EIF2AK2: variants seen among roughly 807,000 people sequenced by gnomAD.
EIF2AK2 encodes the protein eukaryotic translation initiation factor 2 alpha kinase 2, also known as interferon-induced, double-stranded RNA-activated protein kinase.
In EIF2AK2, 40 loss-of-function variants were observed where a neutral mutation model predicts 70.5. The observed-to-expected ratio is 0.57, with a 90% CI of 0.44 to 0.74. EIF2AK2 has a LOEUF of 0.74. Ranked by LOEUF, EIF2AK2 falls within the 30% of genes least tolerant of loss-of-function variation. The pLI, the probability that EIF2AK2 is intolerant of heterozygous loss-of-function variation, is 0.00. For synonymous variants in EIF2AK2, 198 were observed against 220.9 expected, an observed-to-expected ratio of 0.90 and a Z score of 0.92; for missense variants, 555 against 644.3, an observed-to-expected ratio of 0.86 and a Z score of 1.50.
At chr2:37,152,444 C>A (rs1465285933) in intron 1 of EIF2AK2, among the ~76,000 whole-genome samples, 2 of 152,226 alleles carry the variant, frequency 1.3e-5, no homozygotes, top group East Asian at 3.9e-4. Context: ...TGCCCACCAC[C>A]ACGCCCAGCT....
At chr2:37,122,046 G>C (rs991302903) in intron 12 of EIF2AK2, among the ~76,000 whole-genome samples, 4 of 152,164 alleles carry the variant, frequency 2.6e-5, no homozygotes, top group Non-Finnish European at 5.9e-5. Flanking sequence ...CCCAGCATAA[G>C]TGGTATAGTT....
intron 1 of EIF2AK2, among the ~76,000 whole-genome samples, chr2:37,152,668 TC>T (rs1312300811): frequency 6.6e-6 from 1 of 152,192 alleles, no homozygotes; most frequent in Admixed American, 6.5e-5. Context: ...CTATACTTTC[TC>T]CTTAAGGTGA....
chr2:37,137,125 A>G (rs1675155796), intron 8 of EIF2AK2, 108 bp from the exon 9 acceptor site: 1 of 867,842 alleles, frequency 1.2e-6, no homozygotes, highest in Non-Finnish European at 1.7e-6. Context: ...CCAATTTCTT[A>G]GTCCATCAAT....
At chr2:37,120,349 CA>C (rs1333690420) in intron 12 of EIF2AK2, among the ~76,000 whole-genome samples, 1 of 150,932 alleles carries the variant, frequency 6.6e-6, no homozygotes. Flanking sequence ...ACTAAAAATA[CA>C]AAAAATTAGC....
Position 37,102,884 on chromosome 2 carries a change from TTATG to T in EIF2AK2, c.*4385_*4388del, listed in dbSNP as rs1361444292. 1 of 152,194 alleles carries T rather than the reference TTATG, an allele frequency of 6.6e-6. No individual in the cohort carries two copies. The highest frequency in any genetic ancestry group is 2.4e-5 in the African/African-American group (1 of 41,448). 9.4% of individuals were successfully genotyped at this position (152,194 alleles called of 1,614,324 possible). ...TAAGTGTTAAGTATGCATGTGAATT[TTATG>T]TATGTATTTATGTTAAACATGTACG... On this transcript the variant is annotated 3_prime_UTR_variant, in exon 17 of 17. Coordinates refer to ENST00000233057, the MANE Select transcript of EIF2AK2 (RefSeq NM_001135651.3).
chr2:37,145,047 A>G, intron 4 of EIF2AK2, among the ~76,000 whole-genome samples: 1 of 152,140 alleles, frequency 6.6e-6, no homozygotes, highest in East Asian at 1.9e-4. Flanking sequence ...AAAGTTTAAA[A>G]TTTTAAAAAT....
At chr2:37,139,872 G>C (rs557770690) in intron 5 of EIF2AK2, 115 bp from the exon 6 acceptor site, 2 of 1,089,266 alleles carry the variant, frequency 1.8e-6, no homozygotes, top group Non-Finnish European at 2.6e-6. Context: ...CAATTTATTA[G>C]ATAGATTTAT....
chr2:37,108,343 A>G (rs1000985603), intron 15 of EIF2AK2, among the ~76,000 whole-genome samples: 8 of 152,092 alleles, frequency 5.3e-5, no homozygotes, highest in Non-Finnish European at 1.2e-4. Flanking sequence ...TACACTCTGT[A>G]CATTCCCGCC....
intron 11 of EIF2AK2, among the ~76,000 whole-genome samples, chr2:37,125,833 C>T (rs1674710314): frequency 6.6e-6 from 1 of 152,192 alleles, no homozygotes; most frequent in South Asian, 2.1e-4. Flanking sequence ...TAACAGACAA[C>T]CAGAGAACAA....
intron 11 of EIF2AK2, 75 bp from the exon 12 acceptor site, chr2:37,122,739 T>C: frequency 4.5e-6 from 7 of 1,562,270 alleles, no homozygotes; most frequent in Non-Finnish European, 5.3e-6. Context: ...CCTCATGTAA[T>C]AGACAACTGT....
chr2:37,100,115 A>T lies in EIF2AK2; in HGVS notation c.*7158T>A, dbSNP rs933296386. The T allele has an allele frequency of 1.1e-4, 16 of 152,140 alleles. No homozygotes were observed. Among genetic ancestry groups the T allele is most frequent in the Admixed American group, 9.2e-4 (14 of 15,276 alleles). 9.4% of individuals were successfully genotyped at this position (152,140 alleles called of 1,614,324 possible). ...AGGTGAATTGTATGGCATGTGAATT[A>T]TATCTCAATAAAGCAGTTATTAAAA... On this transcript the variant is annotated 3_prime_UTR_variant, in exon 17 of 17. Transcript: ENST00000233057.
chr2:37,105,505 A>G lies in EIF2AK2; in HGVS notation c.*1768T>C, dbSNP rs1673934916. 1 of 152,242 alleles carries G rather than the reference A, an allele frequency of 6.6e-6. No individual in the cohort carries two copies. Among genetic ancestry groups the G allele is most frequent in the Admixed American group, 6.5e-5 (1 of 15,270 alleles). The allele number at this position is 152,242 out of a possible 1,614,324, so 9.4% of individuals were successfully genotyped here. A position where few individuals can be genotyped will look rare whatever the true frequency, so the allele number is the denominator to read the frequency against. ...ATCCGGCTCCCCTTCACCTTCCACC[A>G]TGAGTGGAAGCAGCCGGGGAAGAAG... is the stretch of plus-strand genomic sequence containing the variant. On this transcript the variant is annotated 3_prime_UTR_variant, in exon 17 of 17. Transcript: ENST00000233057.
chr2:37,126,770 A>G (rs1418795751), intron 10 of EIF2AK2, among the ~76,000 whole-genome samples: 1 of 151,992 alleles, frequency 6.6e-6, no homozygotes, highest in Non-Finnish European at 1.5e-5. Context: ...CAGCCTGGCC[A>G]ACATGGTGAA....
intron 2 of EIF2AK2, 70 bp downstream of exon 2, chr2:37,148,787 C>T (rs1379866842): frequency 4.9e-6 from 4 of 823,130 alleles, no homozygotes; most frequent in Admixed American, 1.7e-5. Context: ...ACTAGCCCCC[C>T]AGAATTTGCA....
At chr2:37,123,818 A>G (rs1346756160) in intron 11 of EIF2AK2, among the ~76,000 whole-genome samples, 2 of 152,224 alleles carry the variant, frequency 1.3e-5, no homozygotes, top group African/African-American at 4.8e-5. Flanking sequence ...TGCTAAGTGC[A>G]GTAAATAAAT....
chr2:37,133,099 C>A (rs947780731), intron 10 of EIF2AK2, among the ~76,000 whole-genome samples: 1 of 152,076 alleles, frequency 6.6e-6, no homozygotes, highest in African/African-American at 2.4e-5. Context: ...CCCTATCAAC[C>A]CCAGTCTTCA....
At position 37,107,041 on chromosome 2, in the gene EIF2AK2, T is replaced by TAAA; in HGVS notation, c.*231_*232insTTT. The TAAA allele has an allele frequency of 6.9e-6, 2 of 291,360 alleles. No homozygotes were observed. Among genetic ancestry groups the TAAA allele is most frequent in the Non-Finnish European group, 1.0e-5 (2 of 193,190 alleles). 18.0% of individuals were successfully genotyped at this position (291,360 alleles called of 1,614,324 possible). Reference sequence around the variant, plus strand: ...TGGGCAACAGAGCGAGACTCTGTCTTTAAAAAAAAAAAAAGAATAAAGAGA... The same window carrying TAAA: ...TGGGCAACAGAGCGAGACTCTGTCTTAAATAAAAAAAAAAAAAGAATAAAGAGA... On this transcript the variant is annotated 3_prime_UTR_variant, in exon 17 of 17. Coordinates refer to ENST00000233057, the MANE Select transcript of EIF2AK2 (RefSeq NM_001135651.3).
Position 37,114,970 on chromosome 2 carries a change from C to T in EIF2AK2, c.1249-111G>A, listed in dbSNP as rs1038575972. On this transcript the variant is annotated intron_variant, in intron 13 of 16. Coordinates refer to ENST00000233057, the MANE Select transcript of EIF2AK2 (RefSeq NM_001135651.3). ...TTATATTATTTATAAGACCTTTACC[C>T]TTACACAGGTAGCCAAAATCAGGGA... The T allele has an allele frequency of 4.5e-6, 3 of 661,456 alleles. No homozygotes were observed. In the East Asian group the frequency reaches 1.1e-4, roughly 24 times the overall value. 41.0% of individuals were successfully genotyped at this position (661,456 alleles called of 1,614,324 possible).
intron 14 of EIF2AK2, among the ~76,000 whole-genome samples, chr2:37,110,000 CATTTGTCA>C (rs981735464): frequency 1.3e-5 from 2 of 151,732 alleles, no homozygotes; most frequent in Admixed American, 6.6e-5. Flanking sequence ...GAGGTGTATG[CATTTGTCA>C]AAACGAAAAA....
Sources: allele counts gnomAD v4.1 joint callset (sites outside exome capture counted in the v4.1 genomes callset), GRCh38; gene constraint gnomAD v4.1.1; transcripts MANE v1.5; gene names NCBI Gene and HGNC (gene_info 2026-07-23, HGNC 2026-07-21).